Variants in ATXN10 observed in about 807,000 individuals in gnomAD.
ATXN10 encodes ataxin 10, also known as ataxin-10.
A neutral mutation model predicts 52.9 loss-of-function variants in ATXN10; 28 were observed. The observed-to-expected ratio is 0.53, with a 90% CI of 0.39 to 0.73. The LOEUF (loss-of-function observed/expected upper bound fraction) is 0.73. Among genes scored for constraint, ATXN10 ranks in the 30% least tolerant of loss-of-function variants. The pLI is 0.00. For missense variants in ATXN10, 565 were observed against 577.0 expected, an observed-to-expected ratio of 0.98 and a Z score of 0.21; for synonymous variants, 226 against 221.5, an observed-to-expected ratio of 1.02 and a Z score of -0.18.
chr22:45,767,524 G>T (rs536514424), intron 9 of ATXN10, among the ~76,000 whole-genome samples: 4 of 151,838 alleles, frequency 2.6e-5, no homozygotes, highest in African/African-American at 9.7e-5. Context: ...TTTTAAACAT[G>T]GTTAGCTTTA....
chr22:45,805,546 A>G lies in ATXN10; in HGVS notation c.1174-1413A>G, dbSNP rs569313166. Among the ~76,000 whole-genome samples the G allele has an allele frequency of 3.3e-5, 5 of 152,348 alleles. No individual in the cohort carries two copies. Among genetic ancestry groups the G allele is most frequent in the Admixed American group, 6.5e-5 (1 of 15,304 alleles). ...CCGTGAAAAGAAATGAAGCGCTGACATGCCACAACATGGGTGAACCTTGAG... is the reference window on the plus strand; with the variant it reads ...CCGTGAAAAGAAATGAAGCGCTGACGTGCCACAACATGGGTGAACCTTGAG... On this transcript the variant is annotated intron_variant, in intron 9 of 11. Transcript: ENST00000252934. The surrounding 1 kb of genome is among the most constrained non-coding windows in gnomAD (Gnocchi z 4.4).
At chr22:45,687,409 G>C (rs966559964) in intron 1 of ATXN10, among the ~76,000 whole-genome samples, 1 of 152,146 alleles carries the variant, frequency 6.6e-6, no homozygotes, top group South Asian at 2.1e-4. Flanking sequence ...GACCATTCAC[G>C]GGGGAAAGGT....
intron 9 of ATXN10, among the ~76,000 whole-genome samples, chr22:45,797,936 A>C (rs1036015179): frequency 6.6e-6 from 1 of 152,236 alleles, no homozygotes; most frequent in Admixed American, 6.5e-5. Context: ...GATGCCAAAA[A>C]ATTTTGACAA....
intron 10 of ATXN10, among the ~76,000 whole-genome samples, chr22:45,829,446 C>T (rs1444802073): frequency 6.6e-6 from 1 of 152,148 alleles, no homozygotes; most frequent in Non-Finnish European, 1.5e-5. Context: ...TATCTTTTCA[C>T]AGATTATATG....
At position 45,708,856 on chromosome 22, in the gene ATXN10, G is replaced by T. The variant is rs1924136930; in HGVS notation, c.647+6009G>T. Among the ~76,000 whole-genome samples the T allele has an allele frequency of 6.6e-6, 1 of 152,118 alleles. No individual in the cohort carries two copies. The highest frequency in any genetic ancestry group is 1.9e-4 in the East Asian group (1 of 5,182). On this transcript the variant is annotated intron_variant, in intron 5 of 11. Coordinates refer to ENST00000252934, the MANE Select transcript of ATXN10 (RefSeq NM_013236.4). The surrounding 1 kb of genome is among the most constrained non-coding windows in gnomAD (Gnocchi z 5.3). ...GGGTTTCATCATGTCAGCCAGCCTG[G>T]TCTTGAACTCCTGACCTCAGGTGAT...
Position 45,693,045 on chromosome 22 carries a change from G to A in ATXN10, c.358G>A (p.Glu120Lys), listed in dbSNP as rs750208322. 1.2e-6 allele frequency: 2 copies of A among 1,614,066 alleles called. No homozygotes were observed. Among genetic ancestry groups the A allele is most frequent in the African/African-American group, 1.3e-5 (1 of 75,040 alleles). Reference sequence around the variant, plus strand: ...TGTTGATTTGATTCTTCTGTTTCGTGAACTGCGAGTGGAACAGGAATCTCT... The same window carrying A: ...TGTTGATTTGATTCTTCTGTTTCGTAAACTGCGAGTGGAACAGGAATCTCT... ...VAVDLILLFR[E>K]LRVEQESLLT... The change falls in exon 3 of 12, where the codon GAA becomes AAA. Residue 120 changes from glutamate to lysine, a missense_variant. By Grantham distance (56) the Glu-to-Lys change is moderately conservative. Coordinates refer to ENST00000252934, the MANE Select transcript of ATXN10 (RefSeq NM_013236.4).
chr22:45,826,222 G>C lies in ATXN10; in HGVS notation c.1238-16769G>C, dbSNP rs1218320436. On this transcript the variant is annotated intron_variant, in intron 10 of 11. Transcript: ENST00000252934. This position sits in a 1 kb window ranked among gnomAD's most constrained non-coding sequence, Gnocchi z 5.0. ...CGAAGACAGATTTGAGCAGGGAGAA[G>C]GAAGCTAGGACAATGGAAAATATTA... is the stretch of plus-strand genomic sequence containing the variant. Among the ~76,000 whole-genome samples the C allele has an allele frequency of 6.6e-6, 1 of 152,064 alleles. No individual in the cohort carries two copies. Among genetic ancestry groups the C allele is most frequent in the Non-Finnish European group, 1.5e-5 (1 of 68,028 alleles).
chr22:45,809,336 T>C (rs368730488), intron 10 of ATXN10, among the ~76,000 whole-genome samples: 1 of 152,222 alleles, frequency 6.6e-6, no homozygotes, highest in African/African-American at 2.4e-5. Context: ...ATTTTTTCCT[T>C]TATTTTTTTA....
At chr22:45,739,623 C>T (rs1028718833) in intron 8 of ATXN10, among the ~76,000 whole-genome samples, 1 of 152,140 alleles carries the variant, frequency 6.6e-6, no homozygotes, top group East Asian at 1.9e-4. Context: ...ATGGAAGGAG[C>T]CTGAGTTTGG....
At chr22:45,747,235 C>T (rs1601621015) in intron 9 of ATXN10, among the ~76,000 whole-genome samples, 2 of 152,286 alleles carry the variant, frequency 1.3e-5, no homozygotes, top group South Asian at 4.1e-4. Context: ...GGTGCAGTGG[C>T]TCAAGCTTGT....
At position 45,759,822 on chromosome 22, in the gene ATXN10, A is replaced by G. The variant is rs1926316567; in HGVS notation, c.1173+19284A>G. Among the ~76,000 whole-genome samples, 1 of 152,118 alleles carries G rather than the reference A, an allele frequency of 6.6e-6. No homozygotes were observed. The highest frequency in any genetic ancestry group is 1.5e-5 in the Non-Finnish European group (1 of 68,018). ...CCATCGCTTGCTTCTCTCTCTTTCT[A>G]ATTTACATACAGCTAAACACAGATT... On this transcript the variant is annotated intron_variant, in intron 9 of 11. Transcript: ENST00000252934. This position sits in a 1 kb window ranked among gnomAD's most constrained non-coding sequence, Gnocchi z 5.4.
Position 45,712,641 on chromosome 22 carries a change from A to G in ATXN10, c.648-5772A>G, listed in dbSNP as rs1439672918. On this transcript the variant is annotated intron_variant, in intron 5 of 11. Transcript: ENST00000252934. This position sits in a 1 kb window ranked among gnomAD's most constrained non-coding sequence, Gnocchi z 4.6. The stretch of plus-strand genomic sequence containing the variant: ...TGGCTGGGATGTGCGTGTGTGTAAT[A>G]CGTTTCCCCCAGTGCCTGGCACATG... 6.6e-6 allele frequency among the ~76,000 whole-genome samples: 1 copy of G among 152,172 alleles called. No individual in the cohort carries two copies. Among genetic ancestry groups the G allele is most frequent in the Non-Finnish European group, 1.5e-5 (1 of 68,020 alleles).
rs1340579475 is a variant in ATXN10, at chr22:45,825,307, C to A, written c.1238-17684C>A. ...TCTGGGTATTTAAAAGGCCAGCACC[C>A]TTTTTCCCTCTTCCCTTTATTTTTC... is the stretch of plus-strand genomic sequence containing the variant. On this transcript the variant is annotated intron_variant, in intron 10 of 11. Coordinates refer to ENST00000252934, the MANE Select transcript of ATXN10 (RefSeq NM_013236.4). This position sits in a 1 kb window ranked among gnomAD's most constrained non-coding sequence, Gnocchi z 4.5. Among the ~76,000 whole-genome samples the A allele has an allele frequency of 6.6e-6, 1 of 152,168 alleles. No homozygotes were observed. The highest frequency in any genetic ancestry group is 2.4e-5 in the African/African-American group (1 of 41,432).
In ATXN10 at chr22:45,744,614, A is replaced by G. The variant is rs940112264; in HGVS notation, c.1173+4076A>G. 1.4e-4 allele frequency: 22 copies of G among 152,262 alleles called. No homozygotes were observed. Among genetic ancestry groups the G allele is most frequent in the Admixed American group, 9.2e-4 (14 of 15,278 alleles). The allele number at this position is 152,262 out of a possible 1,614,324, so 9.4% of individuals were successfully genotyped here. A position where few individuals can be genotyped will look rare whatever the true frequency, so the allele number is the denominator to read the frequency against. ...AGTCGCTTTAGTGGTGGAATGACAC[A>G]TGTCCACTAGGAGCTGTAGCAAAAG... is the stretch of plus-strand genomic sequence containing the variant. On this transcript the variant is annotated intron_variant, in intron 9 of 11. Transcript: ENST00000252934. This position sits in a 1 kb window ranked among gnomAD's most constrained non-coding sequence, Gnocchi z 4.9.
chr22:45,813,588 A>G (rs554517654), intron 10 of ATXN10, among the ~76,000 whole-genome samples: 4 of 152,042 alleles, frequency 2.6e-5, no homozygotes, highest in African/African-American at 7.2e-5. Context: ...GAAGAATGGC[A>G]CAGTGGCAAG....
chr22:45,807,187 C>A, intron 10 of ATXN10, 165 bp downstream of exon 10: 2 of 718,936 alleles, frequency 2.8e-6, no homozygotes, highest in Admixed American at 4.0e-5. Context: ...GCTAGAATAT[C>A]ATTTCTGTAA....
At position 45,728,093 on chromosome 22, in the gene ATXN10, G is replaced by C. The variant is rs1425449875; in HGVS notation, c.729-1332G>C. Among the ~76,000 whole-genome samples the C allele has an allele frequency of 6.6e-6, 1 of 151,776 alleles. No homozygotes were observed. Among genetic ancestry groups the C allele is most frequent in the Non-Finnish European group, 1.5e-5 (1 of 67,984 alleles). On this transcript the variant is annotated intron_variant, in intron 6 of 11. Transcript: ENST00000252934. This position sits in a 1 kb window ranked among gnomAD's most constrained non-coding sequence, Gnocchi z 4.3. The stretch of plus-strand genomic sequence containing the variant: ...AGCATTTAGATGATTTATATTCAAT[G>C]TTAATACTGAGATGTGAGGTACTAT...
At chr22:45,797,110 C>G (rs550039698) in intron 9 of ATXN10, among the ~76,000 whole-genome samples, 1 of 152,106 alleles carries the variant, frequency 6.6e-6, no homozygotes, top group Admixed American at 6.6e-5. Context: ...AAGAAAAAAT[C>G]GATCTGCAGT....
chr22:45,749,155 C>T (rs932191446), intron 9 of ATXN10, among the ~76,000 whole-genome samples: 5 of 152,104 alleles, frequency 3.3e-5, no homozygotes. Flanking sequence ...GAATTCCTAC[C>T]ACTGCATATT....
Sources: allele counts gnomAD v4.1 joint callset (sites outside exome capture counted in the v4.1 genomes callset), GRCh38; gene constraint gnomAD v4.1.1; non-coding constraint Gnocchi (gnomAD v3.1); transcripts MANE v1.5; gene names NCBI Gene and HGNC (gene_info 2026-07-23, HGNC 2026-07-21).